Variants in LGALS4 observed in about 807,000 individuals in gnomAD.
LGALS4 encodes galectin-4.
In LGALS4, 37 loss-of-function variants were observed where a neutral mutation model predicts 39.6. The ratio of observed to expected loss-of-function variants is 0.93; its 90% CI spans 0.72 to 1.23. LGALS4 has a LOEUF of 1.23. LGALS4 is among the 50% of genes most tolerant of loss of function. The pLI is 0.00. For synonymous variants in LGALS4, 160 were observed against 165.5 expected, an observed-to-expected ratio of 0.97 and a Z score of 0.25; for missense variants, 397 against 433.2, an observed-to-expected ratio of 0.92 and a Z score of 0.74.
At chr19:38,806,004 A>G (rs977170216) in intron 4 of LGALS4, among the ~76,000 whole-genome samples, 2 of 151,770 alleles carry the variant, frequency 1.3e-5, no homozygotes, top group Admixed American at 1.3e-4. Context: ...ACTGGGAGGC[A>G]GAGGTTGCAG....
chr19:38,812,214 A>C (rs1568353714), intron 2 of LGALS4, among the ~76,000 whole-genome samples: 1 of 152,102 alleles, frequency 6.6e-6, no homozygotes, highest in Non-Finnish European at 1.5e-5. Flanking sequence ...TGTCCAACTC[A>C]GGGACTGCCT....
intron 7 of LGALS4, 41 bp downstream of exon 7, chr19:38,803,481 G>A (rs1568349945): frequency 1.2e-6 from 2 of 1,605,434 alleles, no homozygotes; most frequent in South Asian, 1.1e-5. Context: ...GGAGATCCGT[G>A]CCCCCTCCCC....
rs1387403199 is a variant in LGALS4, at chr19:38,807,967, G to T, written c.339+777C>A. Among the ~76,000 whole-genome samples, 10 of 152,130 alleles carry T rather than the reference G, an allele frequency of 6.6e-5. No homozygotes were observed. The East Asian group carries it at 9.7e-4, about 15-fold the overall frequency. On this transcript the variant is annotated intron_variant, in intron 3 of 9. Coordinates refer to ENST00000307751, the MANE Select transcript of LGALS4 (RefSeq NM_006149.4). ...CCACTCCCTAATCTCAAGTACCCAG[G>T]GACACAAACACTGTGGAAGGCCGCA...
rs2145356081 is a variant in LGALS4 at position 38,806,442 on chromosome 19, G to A, written c.474+19C>T. Reference sequence around the variant, plus strand: ...AATTTAGAAAGAAAGGACGCAAGAAGGGATGGGACCCCTCACACCTGGGGC... The same window carrying A: ...AATTTAGAAAGAAAGGACGCAAGAAAGGATGGGACCCCTCACACCTGGGGC... On this transcript the variant is annotated intron_variant, in intron 4 of 9. Transcript: ENST00000307751. The A allele has an allele frequency of 1.2e-6, 2 of 1,608,744 alleles. No individual in the cohort carries two copies. The highest frequency in any genetic ancestry group is 1.7e-6 in the Non-Finnish European group (2 of 1,177,346).
chr19:38,812,841 C>T lies in LGALS4; in HGVS notation c.45+1G>A. On this transcript the variant is annotated splice_donor_variant, in intron 1 of 9. Coordinates refer to ENST00000307751, the MANE Select transcript of LGALS4 (RefSeq NM_006149.4). LOFTEE classifies it high-confidence loss of function. ...GAGTGGGGCCTGAGCTGGCATCTCA[C>T]CGGGTTGTAGGTGGGCTGGTAGCCC... 1 of 1,611,482 alleles carries T rather than the reference C, an allele frequency of 6.2e-7. No individual in the cohort carries two copies. The highest frequency in any genetic ancestry group is 2.2e-5 in the East Asian group (1 of 44,880).
At chr19:38,811,624 C>A (rs1432625716) in intron 2 of LGALS4, among the ~76,000 whole-genome samples, 2 of 151,884 alleles carry the variant, frequency 1.3e-5, no homozygotes, top group African/African-American at 4.8e-5. Flanking sequence ...TGTGCCACTG[C>A]ACTCCAGCTT....
At chr19:38,809,072 C>T (rs10423776) in intron 2 of LGALS4, 124 bp from the exon 3 acceptor site, 3 of 758,614 alleles carry the variant, frequency 4.0e-6, no homozygotes, top group Middle Eastern at 3.8e-4. Flanking sequence ...AGCACCAGCT[C>T]TGAGGGGCAA....
chr19:38,801,886 G>T lies in LGALS4; in HGVS notation c.850C>A (p.Arg284Ser). Reference sequence around the variant, plus strand: ...TGGCCATTGGCGTAAACCTTGAAGCGATCCAAGCCACAGCGAATGGACAGC... The same window carrying T: ...TGGCCATTGGCGTAAACCTTGAAGCTATCCAAGCCACAGCGAATGGACAGC... ...FDLSIRCGLD[R>S]FKVYANGQHL... Residue 284 changes from arginine (R) to serine (S), a missense_variant, in exon 10 of 10, where the codon CGC (arginine) becomes AGC (serine). Arg to Ser is a moderately radical substitution (Grantham distance 110). Coordinates refer to ENST00000307751, the MANE Select transcript of LGALS4 (RefSeq NM_006149.4). The T allele has an allele frequency of 6.2e-7, 1 of 1,614,170 alleles. No individual in the cohort carries two copies.
At chr19:38,811,331 T>C (rs2145362433) in intron 2 of LGALS4, among the ~76,000 whole-genome samples, 1 of 151,974 alleles carries the variant, frequency 6.6e-6, no homozygotes, top group South Asian at 2.1e-4. Context: ...AAACAATAAA[T>C]AAATAAACAA....
chr19:38,807,167 G>C (rs1311243228), intron 3 of LGALS4, among the ~76,000 whole-genome samples: 3 of 151,308 alleles, frequency 2.0e-5, no homozygotes, highest in South Asian at 2.1e-4. Flanking sequence ...AAGAGTTCGA[G>C]ACCAGCTTGA....
intron 2 of LGALS4, among the ~76,000 whole-genome samples, chr19:38,812,200 C>T: frequency 6.6e-6 from 1 of 152,182 alleles, no homozygotes; most frequent in African/African-American, 2.4e-5. Flanking sequence ...CAGCTTCAGT[C>T]TAATGTCCAA....
In LGALS4 at chr19:38,802,640, G is replaced by A. The variant is rs148155288; in HGVS notation, c.571-236C>T. 8.9e-3 allele frequency among the ~76,000 whole-genome samples: 1,341 copies of A among 151,372 alleles called. 9 individuals are homozygous for A. Among genetic ancestry groups the A allele is most frequent in the Non-Finnish European group, 0.014 (967 of 67,870 alleles). On this transcript the variant is annotated intron_variant, in intron 7 of 9. Transcript: ENST00000307751. ...CTCCCGAAGTGCTGGGATTACAGGC[G>A]TGAGCCACCACGCCCAGCCTTGCAG... is the stretch of plus-strand genomic sequence containing the variant.
intron 3 of LGALS4, among the ~76,000 whole-genome samples, chr19:38,807,932 A>G (rs1003031012): frequency 1.3e-5 from 2 of 152,086 alleles, no homozygotes; most frequent in African/African-American, 4.8e-5. Context: ...ATGCTCCTTA[A>G]GAGTCATCAC....
intron 2 of LGALS4, 38 bp downstream of exon 2, chr19:38,812,393 T>C: frequency 6.3e-7 from 1 of 1,583,372 alleles, no homozygotes. Context: ...CAGTTGGAAG[T>C]CCCCTGCCAG....
chr19:38,803,520 A>G lies in LGALS4; in HGVS notation c.570+2T>C. 6.2e-7 allele frequency: 1 copy of G among 1,613,718 alleles called. No individual in the cohort carries two copies. Among genetic ancestry groups the G allele is most frequent in the Non-Finnish European group, 8.5e-7 (1 of 1,179,798 alleles). ...ATCCATCTCTGTTTCCCCAAGCCAT[A>G]CCGGGTTGAAGGTTGGGGGTCCTTC... On this transcript the variant is annotated splice_donor_variant, in intron 7 of 9. Transcript: ENST00000307751. LOFTEE classifies it high-confidence loss of function.
Position 38,808,733 on chromosome 19 carries a change from A to G in LGALS4, c.339+11T>C. 1 of 1,610,506 alleles carries G rather than the reference A, an allele frequency of 6.2e-7. No homozygotes were observed. The stretch of plus-strand genomic sequence containing the variant: ...CTCCAGCTTGGGAAACAAGAGAGAA[A>G]GCATGCAGACCTTGTAGTGCTCAGC... On this transcript the variant is annotated intron_variant, in intron 3 of 9. Coordinates refer to ENST00000307751, the MANE Select transcript of LGALS4 (RefSeq NM_006149.4).
At chr19:38,809,080 C>T in intron 2 of LGALS4, 132 bp from the exon 3 acceptor site, 1 of 704,714 alleles carries the variant, frequency 1.4e-6, no homozygotes, top group Non-Finnish European at 2.4e-6. Flanking sequence ...CTCTGAGGGG[C>T]AACCTTGGCA....
intron 7 of LGALS4, 84 bp downstream of exon 7, chr19:38,803,438 G>A: frequency 4.9e-6 from 7 of 1,424,166 alleles, no homozygotes; most frequent in Non-Finnish European, 6.9e-6. Flanking sequence ...AAAACCCTCA[G>A]CCCACTCCCT....
At chr19:38,812,584 A>G (rs1476537564) in intron 1 of LGALS4, 65 bp from the exon 2 acceptor site, 5 of 1,459,936 alleles carry the variant, frequency 3.4e-6, no homozygotes, top group African/African-American at 1.4e-5. Context: ...TACCCCTCCC[A>G]GAAAAGCCCC....
Sources: gnomAD v4.1 joint callset for allele counts (sites outside exome capture counted in the v4.1 genomes callset) on GRCh38, gnomAD v4.1.1 for gene constraint, MANE v1.5 for transcripts, NCBI Gene and HGNC (gene_info 2026-07-23, HGNC 2026-07-21) for gene names.